ZBTB8B: variants seen among roughly 807,000 people sequenced by gnomAD.
The protein encoded by ZBTB8B is zinc finger and BTB domain-containing protein 8B.
Under a neutral mutation model 30.3 loss-of-function variants are expected in ZBTB8B, and 17 were observed. The observed-to-expected ratio is 0.56, with a 90% CI of 0.38 to 0.84. The LOEUF is 0.84. Ranked by LOEUF, ZBTB8B falls within the 40% of genes least tolerant of loss-of-function variation. The pLI is 0.00. For missense variants in ZBTB8B, 515 were observed against 644.9 expected, an observed-to-expected ratio of 0.80 and a Z score of 2.18; for synonymous variants, 248 against 255.6, an observed-to-expected ratio of 0.97 and a Z score of 0.28.
At chr1:32,483,119 G>A (rs996658986) in intron 3 of ZBTB8B, among the ~76,000 whole-genome samples, 1 of 151,142 alleles carries the variant, frequency 6.6e-6, no homozygotes, top group Admixed American at 6.6e-5. Flanking sequence ...GGCCCAGCAC[G>A]GTGGCTCACA....
At position 32,486,868 on chromosome 1, in the gene ZBTB8B, A is replaced by G. The variant is rs1643749806; in HGVS notation, c.*1450A>G. The stretch of plus-strand genomic sequence containing the variant: ...AATGTTCATCTTTTAAAAGATCTTC[A>G]TGAGGGAAAGGGAAGGTTAGTAGCA... On this transcript the variant is annotated 3_prime_UTR_variant, in exon 4 of 4. Transcript: ENST00000609129. 6.6e-6 allele frequency: 1 copy of G among 152,214 alleles called. No homozygotes were observed. The highest frequency in any genetic ancestry group is 6.5e-5 in the Admixed American group (1 of 15,272). The allele number at this position is 152,214 out of a possible 1,614,324, so 9.4% of individuals were successfully genotyped here. A position where few individuals can be genotyped will look rare whatever the true frequency, so the allele number is the denominator to read the frequency against.
At chr1:32,466,395 C>T (rs1643570577) in intron 1 of ZBTB8B, among the ~76,000 whole-genome samples, 1 of 152,090 alleles carries the variant, frequency 6.6e-6, no homozygotes, top group Admixed American at 6.6e-5. Context: ...TAGCCGGTAA[C>T]CGTTGAATTG....
At chr1:32,472,656 C>G (rs1255206256) in intron 2 of ZBTB8B, among the ~76,000 whole-genome samples, 1 of 152,342 alleles carries the variant, frequency 6.6e-6, no homozygotes. Flanking sequence ...CTCTGTCACC[C>G]AGGCTGGAGT....
At chr1:32,466,450 G>A (rs535616735) in intron 1 of ZBTB8B, among the ~76,000 whole-genome samples, 13 of 152,162 alleles carry the variant, frequency 8.5e-5, no homozygotes, top group Non-Finnish European at 1.8e-4. Context: ...CCAGAGTGCG[G>A]ATAAATGTGC....
At position 32,468,752 on chromosome 1, in the gene ZBTB8B, T is replaced by C. The variant is rs541262193; in HGVS notation, c.-41-1832T>C. 2.0e-5 allele frequency among the ~76,000 whole-genome samples: 3 copies of C among 152,066 alleles called. 1 individual carries two copies. The highest frequency in any genetic ancestry group is 7.2e-5 in the African/African-American group (3 of 41,484). ...GGCATACACCTGTAATCCCAGCTAC[T>C]TGGGAGGCTGAGGCAGGAGAATCGC... On this transcript the variant is annotated intron_variant, in intron 1 of 3. Transcript: ENST00000609129.
chr1:32,490,084 C>T lies in ZBTB8B; in HGVS notation c.*4666C>T, dbSNP rs1398499816. 2 of 152,058 alleles carry T rather than the reference C, an allele frequency of 1.3e-5. No individual in the cohort carries two copies. Among genetic ancestry groups the T allele is most frequent in the Non-Finnish European group, 1.5e-5 (1 of 68,016 alleles). The allele number at this position is 152,058 out of a possible 1,614,324, so 9.4% of individuals were successfully genotyped here. ...GGCTGCATGCACTGATTCTGGGAGC[C>T]GTAGGAAAGAGTGGAGTGGCCTTTG... On this transcript the variant is annotated 3_prime_UTR_variant, in exon 4 of 4. Transcript: ENST00000609129.
chr1:32,485,158 C>A lies in ZBTB8B; in HGVS notation c.1228C>A (p.His410Asn). 1.3e-6 allele frequency: 2 copies of A among 1,552,120 alleles called. No homozygotes were observed. The highest frequency in any genetic ancestry group is 1.7e-6 in the Non-Finnish European group (2 of 1,147,106). Residue 410 changes from histidine (H) to asparagine (N), a missense_variant, in exon 4 of 4, where the codon CAC becomes AAC. By Grantham distance (68) the His-to-Asn change is moderately conservative. Around this residue, in one of 3 missense-constraint regions of ZBTB8B, gnomAD observed 429 missense variants for 504.3 expected, o/e 0.85. Transcript: ENST00000609129. ...CKGCRRTFTS[H>N]LSQGLRRFGL... ...GGGCTGCAGGAGAACATTCACGAGT[C>A]ACCTGTCCCAGGGGCTGCGGCGCTT...
Position 32,471,152 on chromosome 1 carries a change from C to T in ZBTB8B, c.528C>T (p.Val176=). The T allele has an allele frequency of 6.4e-7, 1 of 1,551,792 alleles. No individual in the cohort carries two copies. Among genetic ancestry groups the T allele is most frequent in the Non-Finnish European group, 8.7e-7 (1 of 1,147,020 alleles). ...CCTCCTGTGGTACCAAGAGCTTGGT[C>T]TCCTCTCCAGCCGAGGGAGAAAAGA... The part of the protein sequence containing the change: ...EGTSCGTKSL[V]SSPAEGEKSV... Residue 176 remains valine (V), a synonymous_variant, in exon 2 of 4, where the codon GTC becomes GTT. Coordinates refer to ENST00000609129, the MANE Select transcript of ZBTB8B (RefSeq NM_001145720.2).
chr1:32,479,094 G>A (rs1009115312), intron 2 of ZBTB8B, among the ~76,000 whole-genome samples: 2 of 152,178 alleles, frequency 1.3e-5, no homozygotes, highest in Non-Finnish European at 2.9e-5. Flanking sequence ...CCACACAGCT[G>A]ATCAGTGCTA....
intron 2 of ZBTB8B, among the ~76,000 whole-genome samples, chr1:32,474,826 TAAAA>T (rs1160303010): frequency 2.0e-5 from 3 of 152,356 alleles, no homozygotes; most frequent in East Asian, 3.9e-4. Context: ...GTGGCCCAGC[TAAAA>T]CCAGAAAACT....
At chr1:32,470,116 C>G (rs1255526205) in intron 1 of ZBTB8B, among the ~76,000 whole-genome samples, 1 of 152,178 alleles carries the variant, frequency 6.6e-6, no homozygotes, top group African/African-American at 2.4e-5. Flanking sequence ...AAGTAATCTG[C>G]CTGCCTTGTC....
chr1:32,471,157 C>T lies in ZBTB8B; in HGVS notation c.533C>T (p.Ser178Phe). The stretch of plus-strand genomic sequence containing the variant: ...TGTGGTACCAAGAGCTTGGTCTCCT[C>T]TCCAGCCGAGGGAGAAAAGAGCGTG... ...TSCGTKSLVS[S>F]PAEGEKSVEC... Residue 178 changes from serine to phenylalanine, a missense_variant, in exon 2 of 4, where the codon TCT (serine) becomes TTT (phenylalanine). By Grantham distance (155) the Ser-to-Phe change is radical. Transcript: ENST00000609129. 1 of 1,551,804 alleles carries T rather than the reference C, an allele frequency of 6.4e-7. No individual in the cohort carries two copies. Among genetic ancestry groups the T allele is most frequent in the Non-Finnish European group, 8.7e-7 (1 of 1,147,016 alleles).
At chr1:32,481,570 G>A (rs369006914) in intron 3 of ZBTB8B, among the ~76,000 whole-genome samples, 23 of 152,180 alleles carry the variant, frequency 1.5e-4, no homozygotes, top group Non-Finnish European at 2.8e-4. Flanking sequence ...GTCTCCATGT[G>A]AGCTGGTGAT....
At chr1:32,471,732 TCAGTACCATCATCAC>T (rs1643622848) in intron 2 of ZBTB8B, 117 bp downstream of exon 2, 2 of 1,143,646 alleles carry the variant, frequency 1.7e-6, no homozygotes, top group Non-Finnish European at 2.4e-6. Context: ...ACCAACATTA[TCAGTACCATCATCAC>T]CAGTACCATC....
intron 2 of ZBTB8B, among the ~76,000 whole-genome samples, chr1:32,480,314 G>A (rs540658631): frequency 1.3e-5 from 2 of 152,068 alleles, no homozygotes; most frequent in Non-Finnish European, 2.9e-5. Context: ...CAGGGAGAAG[G>A]AGAGAGAGAT....
Position 32,485,485 on chromosome 1 carries a change from CATTTGTCCA to C in ZBTB8B, c.*72_*80del, listed in dbSNP as rs900289729. 4.1e-6 allele frequency: 6 copies of C among 1,460,882 alleles called. No individual in the cohort carries two copies. The African/African-American group carries it at 5.7e-5, about 14-fold the overall frequency. The allele number at this position is 1,460,882 out of a possible 1,614,324, so 90.5% of individuals were successfully genotyped here. A position where few individuals can be genotyped will look rare whatever the true frequency, so the allele number is the denominator to read the frequency against. On this transcript the variant is annotated 3_prime_UTR_variant, in exon 4 of 4. Coordinates refer to ENST00000609129, the MANE Select transcript of ZBTB8B (RefSeq NM_001145720.2). Reference sequence around the variant, plus strand: ...TGCTCGTTCTGTTGTTGAAAGATACCATTTGTCCAATTTTGTGGAACCCTGAGAGGAACA... The same window carrying C: ...TGCTCGTTCTGTTGTTGAAAGATACCATTTTGTGGAACCCTGAGAGGAACA...
intron 2 of ZBTB8B, 128 bp from the exon 3 acceptor site, chr1:32,480,763 C>T (rs1027626507): frequency 5.1e-5 from 40 of 787,318 alleles, no homozygotes; most frequent in Middle Eastern, 3.1e-4. Context: ...TGGCTGGTGG[C>T]GGAGTTGGTG....
In ZBTB8B at chr1:32,496,445, T is replaced by C. The variant is rs1251865662; in HGVS notation, c.*11027T>C. On this transcript the variant is annotated 3_prime_UTR_variant, in exon 4 of 4. Coordinates refer to ENST00000609129, the MANE Select transcript of ZBTB8B (RefSeq NM_001145720.2). ...TACAAAGGCACTTGTCAAAACATAT[T>C]TATTAAAAAGAGGAGCCAGAGTTGG... 6.6e-6 allele frequency: 1 copy of C among 152,170 alleles called. No homozygotes were observed. The highest frequency in any genetic ancestry group is 6.6e-5 in the Admixed American group (1 of 15,264). The allele number at this position is 152,170 out of a possible 1,614,324, so 9.4% of individuals were successfully genotyped here.
In ZBTB8B at chr1:32,493,265, C is replaced by T. The variant is rs1489527644; in HGVS notation, c.*7847C>T. The T allele has an allele frequency of 6.6e-6, 1 of 152,082 alleles. No individual in the cohort carries two copies. Among genetic ancestry groups the T allele is most frequent in the Admixed American group, 6.6e-5 (1 of 15,264 alleles). 9.4% of individuals were successfully genotyped at this position (152,082 alleles called of 1,614,324 possible). ...TCAAGTGATTCCCCTGCCTCAGCCTCCCGAGTAGCTGGCACTACAGGCGTG... is the reference window on the plus strand; with the variant it reads ...TCAAGTGATTCCCCTGCCTCAGCCTTCCGAGTAGCTGGCACTACAGGCGTG... On this transcript the variant is annotated 3_prime_UTR_variant, in exon 4 of 4. Coordinates refer to ENST00000609129, the MANE Select transcript of ZBTB8B (RefSeq NM_001145720.2).
Sources: gnomAD v4.1 joint callset for allele counts (sites outside exome capture counted in the v4.1 genomes callset) on GRCh38, gnomAD v4.1.1 for gene constraint, gnomAD v4.1.1 regional missense constraint, MANE v1.5 for transcripts, NCBI Gene and HGNC (gene_info 2026-07-23, HGNC 2026-07-21) for gene names.